The following CSMD1 variants were observed in gnomAD, a reference collection of about 807,000 sequenced individuals.
CSMD1 encodes CUB and Sushi multiple domains 1.
Under a neutral mutation model 417.5 loss-of-function variants are expected in CSMD1, and 213 were observed. The ratio of observed to expected loss-of-function variants is 0.51; its 90% CI spans 0.46 to 0.57. CSMD1 has a LOEUF of 0.57. Ranked by LOEUF, CSMD1 falls within the 20% of genes least tolerant of loss-of-function variation. The pLI is 0.00. For missense variants in CSMD1, 6,923 were observed against 4,529.7 expected, an observed-to-expected ratio of 1.53 and a Z score of -15.17; for synonymous variants, 2,862 against 1,736.8, an observed-to-expected ratio of 1.65 and a Z score of -16.11.
At chr8:4,839,848 C>T (rs1403294289) in intron 1 of CSMD1, among the ~76,000 whole-genome samples, 1 of 152,142 alleles carries the variant, frequency 6.6e-6, no homozygotes, top group Non-Finnish European at 1.5e-5. Flanking sequence ...TGTTTGCATG[C>T]TAGAATGTAT....
intron 3 of CSMD1, among the ~76,000 whole-genome samples, chr8:4,179,012 T>C (rs1798207911): frequency 6.6e-6 from 1 of 152,082 alleles, no homozygotes; most frequent in African/African-American, 2.4e-5. Flanking sequence ...CCAAGGTAAT[T>C]TATACATTCA....
At chr8:4,974,909 T>A (rs1810460786) in intron 1 of CSMD1, among the ~76,000 whole-genome samples, 1 of 152,220 alleles carries the variant, frequency 6.6e-6, no homozygotes, top group Non-Finnish European at 1.5e-5. Context: ...ATGGTTTATG[T>A]TGATATACTG....
rs192148542 is a variant in CSMD1 at position 3,943,481 on chromosome 8, G to A, written c.818+54422C>T. Among the ~76,000 whole-genome samples the A allele has an allele frequency of 3.2e-4, 48 of 150,476 alleles. No individual in the cohort carries two copies. The East Asian group carries it at 7.2e-3, about 23-fold the overall frequency. Reference sequence around the variant, plus strand: ...TCTGACAAAAATGATCAGTCAGTGGGTGCTGAAATTAGTGAACAGAAGTAT... The same window carrying A: ...TCTGACAAAAATGATCAGTCAGTGGATGCTGAAATTAGTGAACAGAAGTAT... On this transcript the variant is annotated intron_variant, in intron 5 of 69. Transcript: ENST00000635120.
chr8:4,235,357 T>C (rs7819694), intron 3 of CSMD1, among the ~76,000 whole-genome samples: 5,994 of 119,870 alleles, frequency 0.05, 135 homozygotes, highest in East Asian at 0.092. Context: ...AAAGACGTGT[T>C]TTGTTTTTTT....
At chr8:3,725,068 G>A (rs529502462) in intron 6 of CSMD1, among the ~76,000 whole-genome samples, 1 of 152,326 alleles carries the variant, frequency 6.6e-6, no homozygotes, top group South Asian at 2.1e-4. Context: ...GAGTGAGGCA[G>A]GAGGTTAAGG....
chr8:3,607,404 C>G (rs1563194559), intron 8 of CSMD1, among the ~76,000 whole-genome samples: 1 of 152,172 alleles, frequency 6.6e-6, no homozygotes, highest in Non-Finnish European at 1.5e-5. Context: ...GGAGTATACT[C>G]TAAAATAACA....
At chr8:3,465,697 G>C (rs546030066) in intron 12 of CSMD1, among the ~76,000 whole-genome samples, 12 of 152,336 alleles carry the variant, frequency 7.9e-5, no homozygotes, top group African/African-American at 2.9e-4. Flanking sequence ...AGGTCAGTAA[G>C]GGTTGACATG....
At chr8:3,998,137 C>T (rs751952311) in intron 4 of CSMD1, 27 bp from the exon 5 acceptor site, 3 of 1,536,102 alleles carry the variant, frequency 2.0e-6, no homozygotes, top group East Asian at 2.5e-5. Flanking sequence ...AGAAAGAAAG[C>T]ATCACATTTC....
chr8:4,635,782 G>C (rs775063018), intron 2 of CSMD1, among the ~76,000 whole-genome samples: 1 of 152,016 alleles, frequency 6.6e-6, no homozygotes, highest in Non-Finnish European at 1.5e-5. Flanking sequence ...AAATTAGCAA[G>C]TATTGTATAT....
intron 4 of CSMD1, among the ~76,000 whole-genome samples, chr8:4,031,179 G>A (rs142710567): frequency 0.012 from 1,750 of 152,124 alleles, 32 homozygotes; most frequent in African/African-American, 0.039. Flanking sequence ...ACATCTTTTG[G>A]TATCTTTTCA....
In CSMD1 at chr8:4,068,872, C is replaced by G. The variant is rs1799397486; in HGVS notation, c.416-36773G>C. On this transcript the variant is annotated intron_variant, in intron 3 of 69. Coordinates refer to ENST00000635120, the MANE Select transcript of CSMD1 (RefSeq NM_033225.6). ...TGCAGCTCCACCATCTAGTTAGGCA[C>G]TGCATTATGTATGTAAAAATATGGT... is the stretch of plus-strand genomic sequence containing the variant. Among the ~76,000 whole-genome samples, 6 of 152,058 alleles carry G rather than the reference C, an allele frequency of 3.9e-5. No homozygotes were observed. In the South Asian group the frequency reaches 8.3e-4, roughly 21 times the overall value.
chr8:2,962,637 C>T lies in CSMD1; in HGVS notation c.9457G>A (p.Val3153Met), dbSNP rs1353948499. 1 of 1,613,158 alleles carries T rather than the reference C, an allele frequency of 6.2e-7. No homozygotes were observed. Among genetic ancestry groups the T allele is most frequent in the East Asian group, 2.2e-5 (1 of 44,808 alleles). Reference protein sequence around the residue: ...WKGEIPQCLPVFCGDPGIPAE... With the variant: ...WKGEIPQCLPMFCGDPGIPAE... ...GGGATGCCAGGGTCTCCGCAGAACA[C>T]AGCTATGGAAGATAACCAGGAAGAA... is the stretch of plus-strand genomic sequence containing the variant. The change falls in exon 61 of 70, where the codon GTG (valine) becomes ATG (methionine). Residue 3153 changes from valine to methionine, a missense_variant and splice_region_variant. By Grantham distance (21) the Val-to-Met change is conservative (BLOSUM62 1). Coordinates refer to ENST00000635120, the MANE Select transcript of CSMD1 (RefSeq NM_033225.6).
At chr8:3,384,115 G>A (rs184042283) in intron 18 of CSMD1, among the ~76,000 whole-genome samples, 2 of 152,234 alleles carry the variant, frequency 1.3e-5, no homozygotes. Flanking sequence ...GACCTACATG[G>A]TCTTGAGCTG....
chr8:4,436,489 T>G (rs1288018654), intron 2 of CSMD1, among the ~76,000 whole-genome samples: 1 of 152,158 alleles, frequency 6.6e-6, no homozygotes, highest in Non-Finnish European at 1.5e-5. Flanking sequence ...CACCTCAGGT[T>G]GAGGGGTATC....
intron 5 of CSMD1, among the ~76,000 whole-genome samples, chr8:3,937,045 T>C (rs11986920): frequency 0.35 from 52,567 of 152,048 alleles, 9,426 homozygotes; most frequent in African/African-American, 0.45. Flanking sequence ...TTCAGACATG[T>C]TGAAAACAGC....
chr8:3,392,626 C>G (rs1431896774), intron 17 of CSMD1, among the ~76,000 whole-genome samples: 1 of 152,064 alleles, frequency 6.6e-6, no homozygotes, highest in Non-Finnish European at 1.5e-5. Context: ...TCACCTTATT[C>G]AGAATCACCT....
chr8:3,181,071 A>G (rs775689687), intron 37 of CSMD1, 39 bp downstream of exon 37: 8 of 1,275,886 alleles, frequency 6.3e-6, no homozygotes, highest in South Asian at 1.2e-5. Flanking sequence ...ATGACTCAGT[A>G]TAACAGTGGA....
rs183257607 is a variant in CSMD1 at position 4,808,090 on chromosome 8, A to G, written c.86-170532T>C. Among the ~76,000 whole-genome samples the G allele has an allele frequency of 2.3e-3, 354 of 152,260 alleles. 1 individual carries two copies. Among genetic ancestry groups the G allele is most frequent in the African/African-American group, 8.1e-3 (336 of 41,540 alleles). ...GTGTGGGCTCAATGTCCTTATTAGC[A>G]TGCTTACTTGCAATTATGTTTCCTG... On this transcript the variant is annotated intron_variant, in intron 1 of 69. Coordinates refer to ENST00000635120, the MANE Select transcript of CSMD1 (RefSeq NM_033225.6).
intron 2 of CSMD1, among the ~76,000 whole-genome samples, chr8:4,530,209 G>C (rs996207184): frequency 6.6e-6 from 1 of 151,148 alleles, no homozygotes; most frequent in African/African-American, 2.4e-5. Context: ...CACCGCGCCA[G>C]GCCTGCCATT....
Sources: gnomAD v4.1 joint callset for allele counts (sites outside exome capture counted in the v4.1 genomes callset) on GRCh38, gnomAD v4.1.1 for gene constraint, MANE v1.5 for transcripts, NCBI Gene and HGNC (gene_info 2026-07-23, HGNC 2026-07-21) for gene names.